GALNT5: variants seen among roughly 807,000 people sequenced by gnomAD.
GALNT5 encodes the protein polypeptide N-acetylgalactosaminyltransferase 5.
GALNT5 carries 72 observed loss-of-function variants against 85.4 expected under a neutral mutation model. That is an observed-to-expected ratio of 0.84 (90% CI 0.70 to 1.03). The LOEUF (loss-of-function observed/expected upper bound fraction) is 1.03, where lower values mean the gene tolerates loss of function less well. Ranked by LOEUF, GALNT5 falls within the 50% of genes least tolerant of loss-of-function variation. The pLI is 0.00. For missense variants in GALNT5, 1,137 were observed against 1,135.5 expected, an observed-to-expected ratio of 1.00 and a Z score of -0.02; for synonymous variants, 404 against 397.0, an observed-to-expected ratio of 1.02 and a Z score of -0.21.
chr2:157,300,650 T>C (rs747768960), intron 6 of GALNT5, 26 bp from the exon 7 acceptor site: 5 of 1,537,816 alleles, frequency 3.3e-6, no homozygotes, highest in Non-Finnish European at 4.5e-6. Context: ...ATTTGATAAT[T>C]GATGCTTATC....
intron 1 of GALNT5, among the ~76,000 whole-genome samples, chr2:157,271,368 T>C (rs1437721587): frequency 6.6e-6 from 1 of 152,180 alleles, no homozygotes; most frequent in Non-Finnish European, 1.5e-5. Context: ...TTTGGATTTT[T>C]TTCCTTTTCA....
At chr2:157,266,775 G>A (rs959008200) in intron 1 of GALNT5, among the ~76,000 whole-genome samples, 43 of 152,170 alleles carry the variant, frequency 2.8e-4, no homozygotes, top group Non-Finnish European at 1.3e-4. Context: ...TCTTTCCACA[G>A]GTGACAGCTT....
chr2:157,290,061 A>T (rs982528320), intron 3 of GALNT5, among the ~76,000 whole-genome samples: 4 of 147,618 alleles, frequency 2.7e-5, no homozygotes, highest in African/African-American at 1.0e-4. Context: ...CAACAAGAGC[A>T]AAATTCTGTC....
In GALNT5 at chr2:157,317,980, T is replaced by G. The variant is rs1052981299; in HGVS notation, c.*6632T>G. 1.3e-5 allele frequency among the ~76,000 whole-genome samples: 2 copies of G among 152,188 alleles called. No individual in the cohort carries two copies. Among genetic ancestry groups the G allele is most frequent in the Non-Finnish European group, 2.9e-5 (2 of 68,010 alleles). On this transcript the variant is annotated 3_prime_UTR_variant, in exon 10 of 10. Coordinates refer to ENST00000259056, the MANE Select transcript of GALNT5 (RefSeq NM_014568.3). ...GAAACCCATATTCATTGTGGTATGT[T>G]TCTGTCTGATACTTTAATATTGGTA...
At chr2:157,268,546 C>A (rs544467880) in intron 1 of GALNT5, among the ~76,000 whole-genome samples, 12 of 152,314 alleles carry the variant, frequency 7.9e-5, no homozygotes, top group African/African-American at 2.9e-4. Context: ...GCATTGTAAT[C>A]TTCATCCTAA....
At chr2:157,307,234 G>C (rs370331812) in intron 8 of GALNT5, among the ~76,000 whole-genome samples, 6 of 151,870 alleles carry the variant, frequency 4.0e-5, no homozygotes, top group African/African-American at 1.4e-4. Flanking sequence ...GGTTTGCTTG[G>C]GTAATAAAAA....
At chr2:157,279,380 A>G (rs575798379) in intron 1 of GALNT5, among the ~76,000 whole-genome samples, 1 of 152,316 alleles carries the variant, frequency 6.6e-6, no homozygotes, top group South Asian at 2.1e-4. Context: ...GGACATTTAA[A>G]TCTGCAGAAG....
intron 5 of GALNT5, chr2:157,298,978 A>C (rs1242312430): frequency 6.6e-6 from 1 of 152,218 alleles, no homozygotes; most frequent in East Asian, 1.9e-4. Context: ...AGAAGACCGG[A>C]AGACCGGCCC....
In GALNT5 at chr2:157,317,224, G is replaced by T. The variant is rs1030281690; in HGVS notation, c.*5876G>T. The stretch of plus-strand genomic sequence containing the variant: ...TTTTTTTTTTTGATGCTTTGATCTG[G>T]AAGAAAGAAATATCAAGAGTTTCTA... On this transcript the variant is annotated 3_prime_UTR_variant, in exon 10 of 10. Coordinates refer to ENST00000259056, the MANE Select transcript of GALNT5 (RefSeq NM_014568.3). 7.0e-6 allele frequency among the ~76,000 whole-genome samples: 1 copy of T among 142,604 alleles called. No individual in the cohort carries two copies. The highest frequency in any genetic ancestry group is 1.5e-5 in the Non-Finnish European group (1 of 66,152). The allele number at this position is 142,604 out of a possible 152,430, so 93.6% of individuals were successfully genotyped here.
chr2:157,284,489 T>C lies in GALNT5; in HGVS notation c.1621+41T>C, dbSNP rs758443100. Reference sequence around the variant, plus strand: ...AGGCTATCTCTTGAAATTTCAAAGTTTGGCAGAAGCAAAGTTTAGTAGCAG... The same window carrying C: ...AGGCTATCTCTTGAAATTTCAAAGTCTGGCAGAAGCAAAGTTTAGTAGCAG... On this transcript the variant is annotated intron_variant, in intron 2 of 9. Coordinates refer to ENST00000259056, the MANE Select transcript of GALNT5 (RefSeq NM_014568.3). 3.2e-6 allele frequency: 5 copies of C among 1,560,690 alleles called. No individual in the cohort carries two copies. In the Admixed American group the frequency reaches 5.2e-5, roughly 16 times the overall value.
At chr2:157,259,740 G>A (rs1413182436) in intron 1 of GALNT5, among the ~76,000 whole-genome samples, 1 of 152,198 alleles carries the variant, frequency 6.6e-6, no homozygotes, top group Non-Finnish European at 1.5e-5. Context: ...TGTTCTCTGA[G>A]ACTTTGGTCC....
chr2:157,309,756 C>T (rs1211703326), intron 9 of GALNT5, among the ~76,000 whole-genome samples: 1 of 152,202 alleles, frequency 6.6e-6, no homozygotes, highest in African/African-American at 2.4e-5. Context: ...TATTCTCCAA[C>T]ATTTCTCCCA....
chr2:157,266,624 C>T (rs544897336), intron 1 of GALNT5, among the ~76,000 whole-genome samples: 1 of 152,186 alleles, frequency 6.6e-6, no homozygotes, highest in African/African-American at 2.4e-5. Context: ...TCACAGCAAC[C>T]CTATGAGATA....
Position 157,295,693 on chromosome 2 carries a change from T to A in GALNT5, c.1772T>A (p.Val591Glu). 2 of 1,613,120 alleles carry A rather than the reference T, an allele frequency of 1.2e-6. No individual in the cohort carries two copies. The highest frequency in any genetic ancestry group is 1.7e-6 in the Non-Finnish European group (2 of 1,179,268). ...GDVLTFLDSH[V>E]ECNVGWLEPL... ...GTGTTGACATTTTTAGATTCTCATGTGGAATGTAACGTTGGTTGGTTGGAA... is the reference window on the plus strand; with the variant it reads ...GTGTTGACATTTTTAGATTCTCATGAGGAATGTAACGTTGGTTGGTTGGAA... Residue 591 changes from valine (V) to glutamate (E), a missense_variant, in exon 4 of 10, where the codon GTG becomes GAG. Physicochemically the swap from Val to Glu is moderately radical, Grantham distance 121. Transcript: ENST00000259056.
Position 157,317,059 on chromosome 2 carries a change from C to A in GALNT5, c.*5711C>A, listed in dbSNP as rs1683720571. 6.6e-6 allele frequency among the ~76,000 whole-genome samples: 1 copy of A among 151,168 alleles called. No homozygotes were observed. The highest frequency in any genetic ancestry group is 6.6e-5 in the Admixed American group (1 of 15,162). ...GTTTAAGGATATTGGTCATAAGCAT[C>A]TATATAATAAACCCTTTATATTAGA... is the stretch of plus-strand genomic sequence containing the variant. On this transcript the variant is annotated 3_prime_UTR_variant, in exon 10 of 10. Coordinates refer to ENST00000259056, the MANE Select transcript of GALNT5 (RefSeq NM_014568.3).
intron 1 of GALNT5, among the ~76,000 whole-genome samples, chr2:157,281,062 T>C (rs1682844679): frequency 6.6e-6 from 1 of 152,140 alleles, no homozygotes. Context: ...TTTCTTTCTT[T>C]CTTTCTTTCT....
chr2:157,258,921 A>C lies in GALNT5; in HGVS notation c.839A>C (p.Lys280Thr), dbSNP rs748620419. 1.3e-6 allele frequency: 2 copies of C among 1,550,620 alleles called. No homozygotes were observed. The highest frequency in any genetic ancestry group is 4.5e-5 in the East Asian group (2 of 44,480). ...GCCAATACGAGTCTTCCTTTTCCTA[A>C]GTTCACTGTCAATTCAAATCGCTTA... is the stretch of plus-strand genomic sequence containing the variant. ...HKANTSLPFP[K>T]FTVNSNRLRK... Residue 280 changes from lysine to threonine, a missense_variant, in exon 1 of 10, where the codon AAG (lysine) becomes ACG (threonine). Physicochemically the swap from Lys to Thr is moderately conservative, Grantham distance 78 (BLOSUM62 -1). Coordinates refer to ENST00000259056, the MANE Select transcript of GALNT5 (RefSeq NM_014568.3).
At chr2:157,289,242 C>T (rs967242619) in intron 3 of GALNT5, among the ~76,000 whole-genome samples, 3 of 152,158 alleles carry the variant, frequency 2.0e-5, no homozygotes, top group African/African-American at 7.2e-5. Flanking sequence ...TTGATTAAAG[C>T]AGTTGCAACT....
At chr2:157,300,595 G>A in intron 6 of GALNT5, 81 bp from the exon 7 acceptor site, 2 of 1,078,158 alleles carry the variant, frequency 1.9e-6, no homozygotes, top group South Asian at 2.8e-5. Context: ...GGGGAAACAA[G>A]GTGGTTTCTT....
Sources: allele counts gnomAD v4.1 joint callset (sites outside exome capture counted in the v4.1 genomes callset), GRCh38; gene constraint gnomAD v4.1.1; transcripts MANE v1.5; gene names NCBI Gene and HGNC (gene_info 2026-07-23, HGNC 2026-07-21).